PDE6H: variants seen among roughly 807,000 people sequenced by gnomAD.
PDE6H encodes the protein phosphodiesterase 6H.
Under a neutral mutation model 9.2 loss-of-function variants are expected in PDE6H, and 11 were observed. The observed-to-expected ratio is 1.19, with a 90% confidence interval of 0.75 to 1.97. The LOEUF (loss-of-function observed/expected upper bound fraction) is 1.97, where lower values mean the gene tolerates loss of function less well. Ranked by LOEUF, PDE6H falls within the 30% of genes most tolerant of loss-of-function variation. PDE6H has a pLI of 0.00. For missense variants in PDE6H, 98 were observed against 101.5 expected (o/e 0.97, Z 0.15); for synonymous variants, 36 against 33.6 (o/e 1.07, Z -0.25).
chr12:14,974,119 G>T (rs1409748498), intron 1 of PDE6H, among the ~76,000 whole-genome samples: 4 of 152,124 alleles, frequency 2.6e-5, no homozygotes, highest in Non-Finnish European at 5.9e-5. Flanking sequence ...AAAATGTTCT[G>T]GCTCACAAAA....
rs759262260 is a variant in PDE6H, at chr12:14,978,106, C to G, written c.94C>G (p.Arg32Gly). Residue 32 changes from arginine (R) to glycine (G), a missense_variant, in exon 2 of 4, where the codon CGC becomes GGC. Physicochemically the swap from Arg to Gly is moderately radical, Grantham distance 125. Transcript: ENST00000266395. ...TCCCAAGTTCAAGCAGAGGCAGACT[C>G]GCCAATTCAAGAGTAAACCTCCAAA... ...GPPKFKQRQT[R>G]QFKSKPPKKG... 2 of 1,613,722 alleles carry G rather than the reference C, an allele frequency of 1.2e-6. No individual in the cohort carries two copies. Among genetic ancestry groups the G allele is most frequent in the Non-Finnish European group, 1.7e-6 (2 of 1,179,906 alleles).
chr12:14,973,327 C>T (rs1262464122), intron 1 of PDE6H, among the ~76,000 whole-genome samples: 1 of 152,164 alleles, frequency 6.6e-6, no homozygotes, highest in East Asian at 1.9e-4. Flanking sequence ...AACTTGATTA[C>T]TGAATTCATT....
chr12:14,978,243 C>A (rs1864627606), intron 2 of PDE6H, 97 bp downstream of exon 2: 7 of 1,143,808 alleles, frequency 6.1e-6, no homozygotes, highest in Non-Finnish European at 7.7e-6. Flanking sequence ...ATTAAACAGA[C>A]TTACAAAAAT....
At chr12:14,979,068 AC>A (rs1864640608) in intron 2 of PDE6H, 110 bp from the exon 3 acceptor site, 1 of 753,900 alleles carries the variant, frequency 1.3e-6, no homozygotes, top group African/African-American at 1.7e-5. Flanking sequence ...TCACATACAA[AC>A]ACTTAAACCT....
At chr12:14,977,030 T>C (rs530720590) in intron 1 of PDE6H, among the ~76,000 whole-genome samples, 2 of 152,366 alleles carry the variant, frequency 1.3e-5, no homozygotes, top group African/African-American at 4.8e-5. Flanking sequence ...GAGAACACCA[T>C]ATTGGATAGG....
intron 1 of PDE6H, among the ~76,000 whole-genome samples, chr12:14,977,275 G>T (rs1215632098): frequency 6.6e-6 from 1 of 152,156 alleles, no homozygotes; most frequent in Non-Finnish European, 1.5e-5. Context: ...TAAGAGAGAA[G>T]TTTCTGGTTC....
At position 14,981,433 on chromosome 12, in the gene PDE6H, G is replaced by A. The variant is rs1340461979; in HGVS notation, c.209G>A (p.Ser70Asn). Residue 70 changes from serine (S) to asparagine (N), a missense_variant, in exon 4 of 4, where the codon AGC becomes AAC. By Grantham distance (46) the Ser-to-Asn change is conservative (BLOSUM62 1). Coordinates refer to ENST00000266395, the MANE Select transcript of PDE6H (RefSeq NM_006205.3). Reference sequence around the variant, plus strand: ...GTGATTTGTCCATGGGAGGCATTCAGCCACCTGGAATTGCATGAGCTCGCT... The same window carrying A: ...GTGATTTGTCCATGGGAGGCATTCAACCACCTGGAATTGCATGAGCTCGCT... ...ITVICPWEAF[S>N]HLELHELAQF... The A allele has an allele frequency of 1.2e-6, 2 of 1,613,576 alleles. No homozygotes were observed. Among genetic ancestry groups the A allele is most frequent in the Non-Finnish European group, 8.5e-7 (1 of 1,179,434 alleles).
At chr12:14,981,343 T>C (rs1864679989) in intron 3 of PDE6H, 57 bp from the exon 4 acceptor site, 1 of 1,053,614 alleles carries the variant, frequency 9.5e-7, no homozygotes, top group African/African-American at 1.6e-5. Flanking sequence ...TGTCTTTCTG[T>C]GAAGAAGCTC....
chr12:14,981,732 A>G lies in PDE6H; in HGVS notation c.*256A>G, dbSNP rs1309709266. 1.8e-6 allele frequency: 1 copy of G among 570,466 alleles called. No homozygotes were observed. Among genetic ancestry groups the G allele is most frequent in the Non-Finnish European group, 3.1e-6 (1 of 319,628 alleles). 35.3% of individuals were successfully genotyped at this position (570,466 alleles called of 1,614,324 possible). On this transcript the variant is annotated 3_prime_UTR_variant, in exon 4 of 4. Coordinates refer to ENST00000266395, the MANE Select transcript of PDE6H (RefSeq NM_006205.3). The stretch of plus-strand genomic sequence containing the variant: ...AGTTAGAAGTCATCAATATTTCTCT[A>G]CATTTTGTTTATCTGTAAGTCCTTT...
chr12:14,975,268 T>A (rs944042697), intron 1 of PDE6H, among the ~76,000 whole-genome samples: 1 of 151,700 alleles, frequency 6.6e-6, no homozygotes, highest in Non-Finnish European at 1.5e-5. Context: ...AGAAAAAAAA[T>A]GACTTTTTAA....
At position 14,978,078 on chromosome 12, in the gene PDE6H, C is replaced by T. The variant is rs749709125; in HGVS notation, c.66C>T (p.Gly22=). Residue 22 remains glycine, a synonymous_variant, in exon 2 of 4, where the codon GGC becomes GGT. Coordinates refer to ENST00000266395, the MANE Select transcript of PDE6H (RefSeq NM_006205.3). The part of the protein sequence containing the change: ...SNQGPTTPRK[G]PPKFKQRQTR... The stretch of plus-strand genomic sequence containing the variant: ...AGGGTCCTACCACCCCACGCAAAGG[C>T]CCTCCCAAGTTCAAGCAGAGGCAGA... The T allele has an allele frequency of 2.4e-5, 39 of 1,613,422 alleles. No individual in the cohort carries two copies. The East Asian group carries it at 8.5e-4, about 35-fold the overall frequency.
chr12:14,973,620 T>A (rs1348089702), intron 1 of PDE6H, among the ~76,000 whole-genome samples: 14 of 149,920 alleles, frequency 9.3e-5, no homozygotes, highest in Admixed American at 6.0e-4. Flanking sequence ...ATTTTGGTAA[T>A]TTTTTTTTTA....
Position 14,981,501 on chromosome 12 carries a change from A to G in PDE6H, c.*25A>G. On this transcript the variant is annotated 3_prime_UTR_variant, in exon 4 of 4. Transcript: ENST00000266395. ...AAGTGCCAGAGGTTCTGCCACTCTC[A>G]ATGACATCTGCTGTAATTTTGGTTG... is the stretch of plus-strand genomic sequence containing the variant. The G allele has an allele frequency of 6.5e-7, 1 of 1,546,304 alleles. No homozygotes were observed.
At chr12:14,980,496 T>G (rs1424039559) in intron 3 of PDE6H, among the ~76,000 whole-genome samples, 1 of 152,226 alleles carries the variant, frequency 6.6e-6, no homozygotes, top group Admixed American at 6.5e-5. Context: ...TGATAAACAG[T>G]AGCACTTGTA....
rs1009849010 is a variant in PDE6H, at chr12:14,978,240, A to G, written c.134+94A>G. ...GAAATTGGTGCTCACAATATTAAAC[A>G]GACTTACAAAAATTTCCACTCCATC... On this transcript the variant is annotated intron_variant, in intron 2 of 3. Transcript: ENST00000266395. The G allele has an allele frequency of 2.1e-5, 24 of 1,162,180 alleles. No homozygotes were observed. The East Asian group carries it at 4.0e-4, about 20-fold the overall frequency. The allele number at this position is 1,162,180 out of a possible 1,614,324, so 72.0% of individuals were successfully genotyped here.
At chr12:14,977,825 A>G in intron 1 of PDE6H, 147 bp from the exon 2 acceptor site, 6 of 596,332 alleles carry the variant, frequency 1.0e-5, no homozygotes, top group Non-Finnish European at 1.8e-5. Context: ...CCTTTTAAAG[A>G]TGATAACTTC....
chr12:14,978,939 CT>C (rs1864638297), intron 2 of PDE6H, among the ~76,000 whole-genome samples: 1 of 152,284 alleles, frequency 6.6e-6, no homozygotes, highest in Admixed American at 6.5e-5. Flanking sequence ...TTCTTTCTGA[CT>C]CTTAATTGTT....
At chr12:14,977,430 A>C (rs116910576) in intron 1 of PDE6H, among the ~76,000 whole-genome samples, 1,641 of 152,340 alleles carry the variant, frequency 0.011, 13 homozygotes, top group Non-Finnish European at 0.018. Flanking sequence ...AAGCTTAAAG[A>C]AATTGCAGAT....
At chr12:14,975,859 C>A (rs528916599) in intron 1 of PDE6H, among the ~76,000 whole-genome samples, 1 of 139,354 alleles carries the variant, frequency 7.2e-6, no homozygotes, top group South Asian at 2.2e-4. Context: ...CTTGCCCTGT[C>A]GCCCAGGCTG....
Sources: gnomAD v4.1 joint callset for allele counts (sites outside exome capture counted in the v4.1 genomes callset) on GRCh38, gnomAD v4.1.1 for gene constraint, MANE v1.5 for transcripts, NCBI Gene and HGNC (gene_info 2026-07-23, HGNC 2026-07-21) for gene names.